POLN: variants seen among roughly 807,000 people sequenced by gnomAD.
POLN encodes DNA polymerase N.
Under a neutral mutation model 113.5 loss-of-function variants are expected in POLN, and 108 were observed. That is an observed-to-expected ratio of 0.95 (90% CI 0.81 to 1.12). The LOEUF is 1.12. POLN is among the 50% of genes most tolerant of loss of function. The pLI, the probability that POLN is intolerant of heterozygous loss-of-function variation, is 0.00. For synonymous variants in POLN, 386 were observed against 391.5 expected (o/e 0.99, Z 0.17); for missense variants, 1,097 against 1,077.1 (o/e 1.02, Z -0.26).
chr4:2,154,657 G>C (rs911014251), intron 16 of POLN, among the ~76,000 whole-genome samples: 1 of 152,148 alleles, frequency 6.6e-6, no homozygotes, highest in Non-Finnish European at 1.5e-5. Context: ...TTGCACTATA[G>C]AAATCAACAG....
At chr4:2,233,234 C>T (rs1231130396) in intron 2 of POLN, among the ~76,000 whole-genome samples, 1 of 152,194 alleles carries the variant, frequency 6.6e-6, no homozygotes, top group Non-Finnish European at 1.5e-5. Context: ...ACAATCTCAT[C>T]TTTACCTTCA....
intron 5 of POLN, among the ~76,000 whole-genome samples, 167 bp downstream of exon 5, chr4:2,207,820 G>C (rs1386997544): frequency 6.6e-6 from 1 of 152,218 alleles, no homozygotes; most frequent in East Asian, 1.9e-4. Context: ...CAGTTTTACA[G>C]TTTCCTAAGA....
rs113688612 is a variant in POLN, at chr4:2,197,304, G to A, written c.908+1220C>T. On this transcript the variant is annotated intron_variant, in intron 6 of 25. Transcript: ENST00000511885. ...CCAGTAGGAGGTAACAACTTGTGCC[G>A]AGTAACAGCAACGCAGTGGATAAGC... 2.4e-3 allele frequency among the ~76,000 whole-genome samples: 366 copies of A among 152,322 alleles called. 1 individual carries two copies. Among genetic ancestry groups the A allele is most frequent in the African/African-American group, 8.4e-3 (349 of 41,582 alleles).
chr4:2,214,886 C>CATGCATATACATATATATGTAT (rs1734073967), intron 3 of POLN, among the ~76,000 whole-genome samples: 2 of 151,092 alleles, frequency 1.3e-5, no homozygotes, highest in Non-Finnish European at 2.9e-5. Context: ...CACATATACA[C>CATGCATATACATATATATGTAT]ATACATATAC....
intron 3 of POLN, among the ~76,000 whole-genome samples, chr4:2,226,153 T>A (rs1340369857): frequency 1.3e-5 from 2 of 152,112 alleles, no homozygotes; most frequent in African/African-American, 4.8e-5. Context: ...TGGAGAAGAA[T>A]CATTTCAGCT....
intron 19 of POLN, among the ~76,000 whole-genome samples, chr4:2,099,810 T>C (rs1279368530): frequency 6.6e-6 from 1 of 152,220 alleles, no homozygotes; most frequent in African/African-American, 2.4e-5. Flanking sequence ...GCCATTTTTA[T>C]GTCAATTTAA....
At position 2,193,330 on chromosome 4, in the gene POLN, A is replaced by C; in HGVS notation, c.909-14T>G. The C allele has an allele frequency of 2.6e-6, 4 of 1,524,090 alleles. No homozygotes were observed. The highest frequency in any genetic ancestry group is 3.6e-6 in the Non-Finnish European group (4 of 1,118,480). 94.4% of individuals were successfully genotyped at this position (1,524,090 alleles called of 1,614,324 possible). On this transcript the variant is annotated splice_polypyrimidine_tract_variant and intron_variant, in intron 6 of 25. Transcript: ENST00000511885. The stretch of plus-strand genomic sequence containing the variant: ...AATAGCACGTTCCTAGAAGATGAAA[A>C]GAAATTCACTGATTTAAACATTAAT...
intron 2 of POLN, chr4:2,230,487 C>T (rs1734541444): frequency 6.6e-6 from 1 of 151,988 alleles, no homozygotes; most frequent in South Asian, 2.1e-4. Flanking sequence ...AAAAAAGTTG[C>T]TCAGGTGATA....
chr4:2,095,703 G>A, intron 20 of POLN, 148 bp downstream of exon 20: 1 of 731,774 alleles, frequency 1.4e-6, no homozygotes. Context: ...GGTCTGGCCA[G>A]TGTCTGGTGA....
chr4:2,157,155 G>A (rs1732455639), intron 15 of POLN, among the ~76,000 whole-genome samples: 1 of 152,214 alleles, frequency 6.6e-6, no homozygotes, highest in South Asian at 2.1e-4. Context: ...GGAGCTTGGT[G>A]CGGGCTCGAG....
At chr4:2,090,070 A>C in intron 20 of POLN, 1 of 910,352 alleles carries the variant, frequency 1.1e-6, no homozygotes, top group Non-Finnish European at 1.7e-6. Flanking sequence ...ATATTTTCCT[A>C]CTGAGCTAGA....
chr4:2,114,263 TATAAA>T (rs1401082542), intron 19 of POLN, among the ~76,000 whole-genome samples: 2 of 152,034 alleles, frequency 1.3e-5, no homozygotes, highest in African/African-American at 4.8e-5. Context: ...TATAAAAATA[TATAAA>T]ATAAACTATG....
intron 19 of POLN, among the ~76,000 whole-genome samples, chr4:2,112,930 T>C (rs1731231715): frequency 6.6e-6 from 1 of 152,120 alleles, no homozygotes; most frequent in Admixed American, 6.6e-5. Context: ...TAAAGACACA[T>C]GCACACGTAT....
chr4:2,075,022 G>T (rs963158508), intron 24 of POLN, among the ~76,000 whole-genome samples: 2 of 152,160 alleles, frequency 1.3e-5, no homozygotes, highest in Middle Eastern at 3.2e-3. Context: ...TGAGCCTAGG[G>T]GGCCTCAGTG....
At chr4:2,151,158 T>C (rs1732285951) in intron 16 of POLN, among the ~76,000 whole-genome samples, 1 of 152,144 alleles carries the variant, frequency 6.6e-6, no homozygotes, top group African/African-American at 2.4e-5. Context: ...ACGCAGAAGG[T>C]ATGACTAGGT....
intron 7 of POLN, among the ~76,000 whole-genome samples, chr4:2,189,507 C>T (rs540398769): frequency 4.0e-5 from 6 of 151,036 alleles, no homozygotes; most frequent in East Asian, 2.0e-4. Flanking sequence ...GGCATGGTGG[C>T]GGGCGCCTGT....
intron 4 of POLN, among the ~76,000 whole-genome samples, chr4:2,209,657 C>CTTTTTTTTTTT: frequency 9.2e-6 from 1 of 108,430 alleles, no homozygotes; most frequent in Non-Finnish European, 1.8e-5. Flanking sequence ...TTTCCTTTTC[C>CTTTTTTTTTTT]TTTTTTTTTT....
chr4:2,186,777 C>A (rs1314477711), intron 7 of POLN, among the ~76,000 whole-genome samples: 1 of 152,100 alleles, frequency 6.6e-6, no homozygotes, highest in African/African-American at 2.4e-5. Context: ...AAGCAAGGAG[C>A]CAGTGACTGA....
intron 13 of POLN, among the ~76,000 whole-genome samples, chr4:2,162,294 C>T (rs571031175): frequency 8.1e-4 from 123 of 152,210 alleles, no homozygotes; most frequent in African/African-American, 2.8e-3. Context: ...ACTCCAGACG[C>T]GCCGCCTTAA....
Sources: allele counts gnomAD v4.1 joint callset (sites outside exome capture counted in the v4.1 genomes callset), GRCh38; gene constraint gnomAD v4.1.1; transcripts MANE v1.5; gene names NCBI Gene and HGNC (gene_info 2026-07-23, HGNC 2026-07-21).